Variants in LRMDA observed in about 807,000 individuals in gnomAD.
The protein encoded by LRMDA is leucine-rich melanocyte differentiation-associated protein.
In LRMDA, 18 loss-of-function variants were observed where a neutral mutation model predicts 29.8. That is an observed-to-expected ratio of 0.60 (90% CI 0.42 to 0.90). LRMDA has a LOEUF of 0.90. LRMDA is among the 40% of genes least tolerant of loss of function. LRMDA has a pLI of 0.00. For missense variants in LRMDA, 273 were observed against 273.9 expected, an observed-to-expected ratio of 1.00 and a Z score of 0.02; for synonymous variants, 125 against 109.4, an observed-to-expected ratio of 1.14 and a Z score of -0.89.
chr10:75,797,299 G>A lies in LRMDA; in HGVS notation c.132-238709G>A, dbSNP rs1228390339. On this transcript the variant is annotated intron_variant, in intron 2 of 6. Transcript: ENST00000611255. The stretch of plus-strand genomic sequence containing the variant: ...TATCTTTTTAATATCTGTAGGCTCT[G>A]CCATTATACCATTTTTCATTTCTGA... Among the ~76,000 whole-genome samples, 5 of 152,028 alleles carry A rather than the reference G, an allele frequency of 3.3e-5. No homozygotes were observed. The East Asian group carries it at 7.7e-4, about 23-fold the overall frequency.
intron 2 of LRMDA, among the ~76,000 whole-genome samples, chr10:75,613,554 A>G (rs919239024): frequency 1.3e-5 from 2 of 152,142 alleles, no homozygotes; most frequent in Non-Finnish European, 2.9e-5. Context: ...GGTAAAGAAA[A>G]CCAAGAGGAT....
chr10:75,736,464 C>A lies in LRMDA; in HGVS notation c.131+297970C>A, dbSNP rs747830792. ...AGACGGAGGATTTACCATTGTCATG[C>A]GGTGCTATTAATTCTCATTGCTCGG... On this transcript the variant is annotated intron_variant, in intron 2 of 6. Coordinates refer to ENST00000611255, the MANE Select transcript of LRMDA (RefSeq NM_001305581.2). 2.6e-5 allele frequency among the ~76,000 whole-genome samples: 4 copies of A among 152,116 alleles called. No homozygotes were observed. The South Asian group carries it at 6.2e-4, about 24-fold the overall frequency.
intron 2 of LRMDA, among the ~76,000 whole-genome samples, chr10:75,613,172 A>G (rs1185935931): frequency 6.6e-6 from 1 of 151,532 alleles, no homozygotes; most frequent in Non-Finnish European, 1.5e-5. Context: ...TAAGAGCACT[A>G]TCTGGCTTTC....
At chr10:75,915,629 C>T (rs527786169) in intron 2 of LRMDA, among the ~76,000 whole-genome samples, 3 of 152,208 alleles carry the variant, frequency 2.0e-5, no homozygotes, top group South Asian at 4.2e-4. Flanking sequence ...GTAGGACGAC[C>T]TAGGCTTGAC....
intron 2 of LRMDA, among the ~76,000 whole-genome samples, chr10:75,660,599 G>A (rs923798383): frequency 6.6e-6 from 1 of 152,074 alleles, no homozygotes; most frequent in Non-Finnish European, 1.5e-5. Context: ...ACAAAGATGA[G>A]TTGCAGCCAC....
Position 76,405,132 on chromosome 10 carries a change from G to A in LRMDA, c.601+80647G>A, listed in dbSNP as rs1171888820. 5.3e-5 allele frequency among the ~76,000 whole-genome samples: 8 copies of A among 152,280 alleles called. No individual in the cohort carries two copies. In the East Asian group the frequency reaches 9.7e-4, roughly 18 times the overall value. ...AATCTGTGTTGTTTTAAGCCACTGA[G>A]TTTAATTTGTTACAACAGCAATAAA... On this transcript the variant is annotated intron_variant, in intron 6 of 6. Coordinates refer to ENST00000611255, the MANE Select transcript of LRMDA (RefSeq NM_001305581.2).
At chr10:76,341,855 A>AC (rs1328897453) in intron 6 of LRMDA, among the ~76,000 whole-genome samples, 2 of 152,162 alleles carry the variant, frequency 1.3e-5, no homozygotes, top group Non-Finnish European at 2.9e-5. Flanking sequence ...AGACAGGAAG[A>AC]CCCAGGCAGA....
At chr10:75,471,802 C>G (rs1476823705) in intron 2 of LRMDA, among the ~76,000 whole-genome samples, 1 of 152,058 alleles carries the variant, frequency 6.6e-6, no homozygotes, top group Non-Finnish European at 1.5e-5. Flanking sequence ...CTGAAACTCC[C>G]TCTTGTCCCC....
intron 2 of LRMDA, among the ~76,000 whole-genome samples, chr10:75,857,650 C>T (rs553725715): frequency 2.0e-5 from 3 of 152,208 alleles, no homozygotes; most frequent in East Asian, 1.9e-4. Context: ...TCTTCATCTG[C>T]GAAATGGGGA....
intron 2 of LRMDA, among the ~76,000 whole-genome samples, chr10:75,631,646 T>G (rs528734118): frequency 1.3e-5 from 2 of 152,270 alleles, no homozygotes; most frequent in East Asian, 3.9e-4. Flanking sequence ...CTTTGATTTC[T>G]CTCTTGGTGA....
At chr10:76,492,625 T>C (rs140381962) in intron 6 of LRMDA, among the ~76,000 whole-genome samples, 24 of 152,188 alleles carry the variant, frequency 1.6e-4, no homozygotes, top group African/African-American at 4.8e-4. Flanking sequence ...GTTTTCATAC[T>C]GCTATGAAGA....
chr10:75,822,864 G>A (rs951372820), intron 2 of LRMDA, among the ~76,000 whole-genome samples: 5 of 152,110 alleles, frequency 3.3e-5, no homozygotes, highest in Admixed American at 1.3e-4. Context: ...TGAAACTACA[G>A]GCATGCACCA....
At chr10:76,515,688 T>C (rs1220213413) in intron 6 of LRMDA, among the ~76,000 whole-genome samples, 1 of 152,104 alleles carries the variant, frequency 6.6e-6, no homozygotes, top group Non-Finnish European at 1.5e-5. Flanking sequence ...GTATTTTTTG[T>C]AGAGACATAG....
intron 2 of LRMDA, among the ~76,000 whole-genome samples, chr10:75,640,355 G>A (rs1349527992): frequency 2.6e-5 from 4 of 152,110 alleles, no homozygotes; most frequent in Non-Finnish European, 5.9e-5. Context: ...AATGAACAGT[G>A]GATGCAGATA....
intron 2 of LRMDA, among the ~76,000 whole-genome samples, chr10:75,581,844 T>G (rs1347852465): frequency 6.6e-6 from 1 of 152,094 alleles, no homozygotes; most frequent in South Asian, 2.1e-4. Context: ...GATGATGGGT[T>G]GATGGGTGCA....
At chr10:75,880,963 A>C (rs998171582) in intron 2 of LRMDA, among the ~76,000 whole-genome samples, 1 of 151,806 alleles carries the variant, frequency 6.6e-6, no homozygotes, top group Non-Finnish European at 1.5e-5. Flanking sequence ...CCATCTGCCT[A>C]CTCTCCTGTT....
At position 75,648,474 on chromosome 10, in the gene LRMDA, G is replaced by A. The variant is rs551206549; in HGVS notation, c.131+209980G>A. Among the ~76,000 whole-genome samples the A allele has an allele frequency of 1.3e-4, 20 of 152,252 alleles. No homozygotes were observed. The South Asian group carries it at 3.9e-3, about 30-fold the overall frequency. On this transcript the variant is annotated intron_variant, in intron 2 of 6. Coordinates refer to ENST00000611255, the MANE Select transcript of LRMDA (RefSeq NM_001305581.2). ...AGAGACTGTGCAGGGGGCTCTTATAGGAAATTTATTACTTGCATTCAGATT... is the reference window on the plus strand; with the variant it reads ...AGAGACTGTGCAGGGGGCTCTTATAAGAAATTTATTACTTGCATTCAGATT...
At chr10:76,379,744 C>A (rs138400208) in intron 6 of LRMDA, among the ~76,000 whole-genome samples, 103 of 151,666 alleles carry the variant, frequency 6.8e-4, no homozygotes, top group African/African-American at 2.3e-3. Context: ...TATGTATTTT[C>A]TTCTGCTAGC....
intron 2 of LRMDA, among the ~76,000 whole-genome samples, chr10:75,868,717 G>C (rs998259092): frequency 6.6e-6 from 1 of 152,248 alleles, no homozygotes; most frequent in South Asian, 2.1e-4. Flanking sequence ...CAGATGCTTG[G>C]TGTAACTGAA....
Sources: allele counts gnomAD v4.1 joint callset (sites outside exome capture counted in the v4.1 genomes callset), GRCh38; gene constraint gnomAD v4.1.1; transcripts MANE v1.5; gene names NCBI Gene and HGNC (gene_info 2026-07-23, HGNC 2026-07-21).